Variants in GPC5 observed in about 807,000 individuals in gnomAD.
GPC5 encodes glypican 5, also known as glypican-5.
Under a neutral mutation model 53.9 loss-of-function variants are expected in GPC5, and 47 were observed. The ratio of observed to expected loss-of-function variants is 0.87; its 90% CI spans 0.69 to 1.11. The LOEUF is 1.11. Ranked by LOEUF, GPC5 falls within the 50% of genes most tolerant of loss-of-function variation. GPC5 has a pLI of 0.00. For missense variants in GPC5, 748 were observed against 713.1 expected, an observed-to-expected ratio of 1.05 and a Z score of -0.56; for synonymous variants, 286 against 263.3, an observed-to-expected ratio of 1.09 and a Z score of -0.84.
intron 7 of GPC5, among the ~76,000 whole-genome samples, chr13:92,412,994 G>T (rs1284624563): frequency 6.6e-6 from 1 of 152,150 alleles, no homozygotes; most frequent in Non-Finnish European, 1.5e-5. Flanking sequence ...TTTAAAATAT[G>T]ATTTGCATTA....
intron 7 of GPC5, among the ~76,000 whole-genome samples, chr13:92,387,533 G>A (rs529687106): frequency 7.9e-5 from 12 of 152,094 alleles, no homozygotes; most frequent in African/African-American, 2.6e-4. Context: ...GTTGCTTTCC[G>A]ACTTCTTGAG....
intron 5 of GPC5, among the ~76,000 whole-genome samples, chr13:91,888,612 T>A (rs1566324580): frequency 6.6e-6 from 1 of 152,124 alleles, no homozygotes; most frequent in Non-Finnish European, 1.5e-5. Context: ...AGCATGCACA[T>A]ATAATGCAGG....
chr13:92,748,826 A>G (rs1451989632), intron 7 of GPC5, among the ~76,000 whole-genome samples: 3 of 152,072 alleles, frequency 2.0e-5, no homozygotes, highest in Non-Finnish European at 4.4e-5. Flanking sequence ...CTCATACATT[A>G]TTTCTCTGGA....
chr13:92,139,619 A>G (rs536905966), intron 6 of GPC5, among the ~76,000 whole-genome samples: 34 of 143,880 alleles, frequency 2.4e-4, no homozygotes, highest in African/African-American at 8.1e-4. Context: ...GTGAGCCAAG[A>G]CTGCGCCATT....
At chr13:91,986,674 G>A (rs1220341680) in intron 6 of GPC5, among the ~76,000 whole-genome samples, 1 of 152,118 alleles carries the variant, frequency 6.6e-6, no homozygotes, top group Non-Finnish European at 1.5e-5. Context: ...AATTAGACAT[G>A]TATATCATCT....
At chr13:92,527,175 A>AGAAAG (rs1881345549) in intron 7 of GPC5, among the ~76,000 whole-genome samples, 1 of 94,074 alleles carries the variant, frequency 1.1e-5, no homozygotes, top group Non-Finnish European at 2.3e-5. Flanking sequence ...AAAGAAAGAG[A>AGAAAG]AAGAAAGAAG....
At chr13:92,593,860 G>A (rs926070806) in intron 7 of GPC5, among the ~76,000 whole-genome samples, 2 of 152,166 alleles carry the variant, frequency 1.3e-5, no homozygotes, top group Non-Finnish European at 2.9e-5. Flanking sequence ...AGGGATGAAA[G>A]TCTGATTGGA....
intron 5 of GPC5, among the ~76,000 whole-genome samples, chr13:91,852,719 T>C (rs1335359831): frequency 6.6e-6 from 1 of 152,142 alleles, no homozygotes; most frequent in Non-Finnish European, 1.5e-5. Flanking sequence ...GTTTGAACTG[T>C]AATGATACTG....
chr13:92,557,755 C>G (rs1882548871), intron 7 of GPC5, among the ~76,000 whole-genome samples: 1 of 151,804 alleles, frequency 6.6e-6, no homozygotes, highest in African/African-American at 2.4e-5. Context: ...TAAATTGGCT[C>G]AGGAATCAAC....
intron 7 of GPC5, among the ~76,000 whole-genome samples, chr13:92,210,909 T>G (rs1046791350): frequency 2.0e-5 from 3 of 152,208 alleles, no homozygotes; most frequent in Admixed American, 1.3e-4. Context: ...CTTACTTCTT[T>G]CTTTTAGATT....
intron 1 of GPC5, among the ~76,000 whole-genome samples, chr13:91,434,422 C>A (rs1879750050): frequency 6.6e-6 from 1 of 151,860 alleles, no homozygotes; most frequent in Non-Finnish European, 1.5e-5. Context: ...CTACATATGG[C>A]TAGCCAGTTT....
At chr13:91,961,606 A>T (rs2040126347) in intron 6 of GPC5, among the ~76,000 whole-genome samples, 1 of 152,102 alleles carries the variant, frequency 6.6e-6, no homozygotes, top group Non-Finnish European at 1.5e-5. Context: ...AAGGATTGTT[A>T]TTCATAATAA....
At chr13:92,661,811 G>A in intron 7 of GPC5, among the ~76,000 whole-genome samples, 1 of 152,154 alleles carries the variant, frequency 6.6e-6, no homozygotes. Flanking sequence ...CGTCATTAGA[G>A]TAAGATAAGA....
intron 7 of GPC5, among the ~76,000 whole-genome samples, chr13:92,345,239 G>A (rs1043061048): frequency 2.6e-5 from 4 of 151,996 alleles, no homozygotes; most frequent in Non-Finnish European, 5.9e-5. Context: ...AGAAAGAGAA[G>A]TAAAATTGTG....
intron 6 of GPC5, among the ~76,000 whole-genome samples, chr13:92,018,784 A>T (rs2040730438): frequency 6.6e-6 from 1 of 152,056 alleles, no homozygotes; most frequent in African/African-American, 2.4e-5. Context: ...AATTCAGGAT[A>T]TTTTTCAATA....
intron 6 of GPC5, among the ~76,000 whole-genome samples, chr13:92,131,953 T>G (rs2138963153): frequency 6.6e-6 from 1 of 152,232 alleles, no homozygotes; most frequent in African/African-American, 2.4e-5. Context: ...CTGGGAATTT[T>G]TTACACCAAA....
intron 2 of GPC5, among the ~76,000 whole-genome samples, chr13:91,525,822 G>A (rs1317362621): frequency 6.6e-6 from 1 of 152,186 alleles, no homozygotes; most frequent in Non-Finnish European, 1.5e-5. Flanking sequence ...TGGGCTTCCA[G>A]TCAGTGATTA....
chr13:91,538,836 C>A (rs111275656), intron 2 of GPC5, among the ~76,000 whole-genome samples: 5 of 150,014 alleles, frequency 3.3e-5, no homozygotes, highest in African/African-American at 7.3e-5. Context: ...CCCCGCCCCC[C>A]CCTCAGCCTC....
At chr13:91,445,003 C>G (rs1880686193) in intron 1 of GPC5, among the ~76,000 whole-genome samples, 1 of 152,202 alleles carries the variant, frequency 6.6e-6, no homozygotes, top group South Asian at 2.1e-4. Flanking sequence ...CCTTTTCCAT[C>G]TTAACTAAGG....
Sources: gnomAD v4.1 joint callset for allele counts (sites outside exome capture counted in the v4.1 genomes callset) on GRCh38, gnomAD v4.1.1 for gene constraint, MANE v1.5 for transcripts, NCBI Gene and HGNC (gene_info 2026-07-23, HGNC 2026-07-21) for gene names.